MYLK2: variants seen among roughly 807,000 people sequenced by gnomAD.
MYLK2 encodes myosin light chain kinase 2, also known as myosin light chain kinase 2, skeletal/cardiac muscle.
In MYLK2, 27 loss-of-function variants were observed where a neutral mutation model predicts 58.2. That is an observed-to-expected ratio of 0.46 (90% CI 0.34 to 0.64). The LOEUF (loss-of-function observed/expected upper bound fraction) is 0.64, where lower values mean the gene tolerates loss of function less well. MYLK2 is among the 30% of genes least tolerant of loss of function. MYLK2 has a pLI of 0.01. For synonymous variants in MYLK2, 310 were observed against 296.7 expected, an observed-to-expected ratio of 1.04 and a Z score of -0.46; for missense variants, 676 against 764.3, an observed-to-expected ratio of 0.88 and a Z score of 1.36.
intron 5 of MYLK2, chr20:31,823,992 G>A (rs570027391): frequency 1.4e-5 from 14 of 984,632 alleles, no homozygotes; most frequent in Non-Finnish European, 1.7e-5. Context: ...TCTAAGGGTC[G>A]CATCCCAGGG....
chr20:31,821,435 C>A lies in MYLK2; in HGVS notation c.474-4C>A, dbSNP rs886056577. ...GGCTTCACCTCTGTGTTCTCACCTTCTAGTTCTGAGAAGCTGCTGGCCAAG... is the reference window on the plus strand; with the variant it reads ...GGCTTCACCTCTGTGTTCTCACCTTATAGTTCTGAGAAGCTGCTGGCCAAG... On this transcript the variant is annotated splice_region_variant and splice_polypyrimidine_tract_variant and intron_variant, in intron 3 of 12. Transcript: ENST00000375985. The A allele has an allele frequency of 3.7e-6, 6 of 1,613,212 alleles. No individual in the cohort carries two copies. Among genetic ancestry groups the A allele is most frequent in the Non-Finnish European group, 5.1e-6 (6 of 1,180,028 alleles).
Position 31,820,401 on chromosome 20 carries a change from A to G in MYLK2, c.328A>G (p.Lys110Glu). 1 of 1,612,818 alleles carries G rather than the reference A, an allele frequency of 6.2e-7. No homozygotes were observed. Among genetic ancestry groups the G allele is most frequent in the Non-Finnish European group, 8.5e-7 (1 of 1,179,782 alleles). Residue 110 changes from lysine (K) to glutamate (E), a missense_variant, in exon 3 of 13, where the codon AAG becomes GAG. Lys to Glu is a moderately conservative substitution (Grantham distance 56). Transcript: ENST00000375985. Reference sequence around the variant, plus strand: ...TGCGACACCTGAGACCAGCGTCAAGAAGCCCAAGGCTGAGCAGGGAGCCTC... The same window carrying G: ...TGCGACACCTGAGACCAGCGTCAAGGAGCCCAAGGCTGAGCAGGGAGCCTC... ...QTATPETSVK[K>E]PKAEQGASGS...
intron 6 of MYLK2, chr20:31,824,599 T>G (rs917267723): frequency 1.4e-5 from 13 of 962,682 alleles, no homozygotes; most frequent in Non-Finnish European, 1.6e-5. Context: ...GCATGGGATA[T>G]TCATGCCCTC....
intron 4 of MYLK2, among the ~76,000 whole-genome samples, chr20:31,822,929 C>CGCCTGCCG (rs1183972514): frequency 6.6e-6 from 1 of 152,220 alleles, no homozygotes; most frequent in Admixed American, 6.5e-5. Flanking sequence ...TCCTGATGAC[C>CGCCTGCCG]GCCTGCCGGC....
chr20:31,823,439 C>T (rs376771069), intron 4 of MYLK2, 38 bp from the exon 5 acceptor site: 3 of 1,583,942 alleles, frequency 1.9e-6, no homozygotes, highest in Non-Finnish European at 2.6e-6. Context: ...CTCAGCAGCC[C>T]CTGGCACTGA....
intron 8 of MYLK2, chr20:31,827,292 T>A (rs865878610): frequency 2.0e-5 from 20 of 985,380 alleles, no homozygotes; most frequent in Non-Finnish European, 2.4e-5. Context: ...TGCCTCAGCC[T>A]TGGCCCATGA....
intron 8 of MYLK2, chr20:31,827,662 A>G (rs10211752): frequency 0.33 from 154,754 of 468,232 alleles, 30,319 homozygotes; most frequent in African/African-American, 0.72. Context: ...GGGATTACAG[A>G]CACCTGCCAC....
chr20:31,825,296 G>T (rs547031507), intron 6 of MYLK2, among the ~76,000 whole-genome samples: 9 of 152,278 alleles, frequency 5.9e-5, no homozygotes, highest in Admixed American at 3.3e-4. Flanking sequence ...CCGTGTTATT[G>T]TCTCCTAGGT....
rs781322060 is a variant in MYLK2 at position 31,820,341 on chromosome 20, A to G, written c.268A>G (p.Ser90Gly). 1.9e-6 allele frequency: 3 copies of G among 1,612,828 alleles called. No homozygotes were observed. Among genetic ancestry groups the G allele is most frequent in the Non-Finnish European group, 2.5e-6 (3 of 1,179,856 alleles). ...CAGGGGCGGGGGGCCCGCGGAGGGC[A>G]GTGCTGGGCCCCCGGCAGCCCTGCC... ...GDRGGGPAEG[S>G]AGPPAALPQQ... The change falls in exon 3 of 13, where the codon AGT becomes GGT. Residue 90 changes from serine (S) to glycine (G), a missense_variant. Physicochemically the swap from Ser to Gly is moderately conservative, Grantham distance 56 (BLOSUM62 0). Transcript: ENST00000375985.
chr20:31,821,504 C>T lies in MYLK2; in HGVS notation c.539C>T (p.Pro180Leu). The T allele has an allele frequency of 6.2e-7, 1 of 1,614,000 alleles. No individual in the cohort carries two copies. The highest frequency in any genetic ancestry group is 8.5e-7 in the Non-Finnish European group (1 of 1,180,046). ...TCAGAGCTCACCTTTGAAGGGGTGC[C>T]CATGACCCACAGCCCCACGGATCCC... ...EASELTFEGV[P>L]MTHSPTDPRP... Residue 180 changes from proline (P) to leucine (L), a missense_variant, in exon 4 of 13, where the codon CCC becomes CTC. This residue lies in a region of MYLK2 where 306 missense variants were observed against 296.5 expected (regional missense o/e 1.03). Coordinates refer to ENST00000375985, the MANE Select transcript of MYLK2 (RefSeq NM_033118.4).
At chr20:31,822,379 G>A (rs1001452588) in intron 4 of MYLK2, among the ~76,000 whole-genome samples, 3 of 152,134 alleles carry the variant, frequency 2.0e-5, no homozygotes, top group African/African-American at 4.8e-5. Context: ...GGGTGGGGTC[G>A]TGGGAGCTAT....
chr20:31,827,319 C>T (rs566498677), intron 8 of MYLK2: 7 of 985,262 alleles, frequency 7.1e-6, no homozygotes, highest in Non-Finnish European at 7.2e-6. Context: ...CTAGGAGTGT[C>T]TGATCATTTA....
At chr20:31,828,782 G>A (rs527362930) in intron 8 of MYLK2, 4 of 948,050 alleles carry the variant, frequency 4.2e-6, no homozygotes, top group Non-Finnish European at 5.0e-6. Context: ...TGGGTTAGGT[G>A]TGTTAATATC....
chr20:31,828,332 G>A, intron 8 of MYLK2: 3 of 985,424 alleles, frequency 3.0e-6, no homozygotes, highest in Non-Finnish European at 3.6e-6. Context: ...AATGCTGTGC[G>A]TTAAGTGGCG....
At chr20:31,830,004 A>G (rs2062297807) in intron 8 of MYLK2, among the ~76,000 whole-genome samples, 1 of 152,176 alleles carries the variant, frequency 6.6e-6, no homozygotes, top group African/African-American at 2.4e-5. Flanking sequence ...CTGTAGTGTT[A>G]TATTCACCCC....
chr20:31,823,944 G>A (rs968829830), intron 5 of MYLK2: 19 of 985,216 alleles, frequency 1.9e-5, no homozygotes, highest in Non-Finnish European at 1.9e-5. Context: ...GCCTGAAGGT[G>A]CCCTCCCCCA....
chr20:31,829,093 G>A (rs947364130), intron 8 of MYLK2, among the ~76,000 whole-genome samples: 7 of 152,192 alleles, frequency 4.6e-5, no homozygotes, highest in African/African-American at 1.7e-4. Flanking sequence ...GCTGGGGGCA[G>A]TTGGTGCCTG....
chr20:31,826,051 T>C (rs1039940652), intron 6 of MYLK2, among the ~76,000 whole-genome samples: 1 of 152,102 alleles, frequency 6.6e-6, no homozygotes, highest in Non-Finnish European at 1.5e-5. Flanking sequence ...TTAGGATGGC[T>C]CGTAACTTTT....
At chr20:31,833,560 T>C (rs779587684) in intron 12 of MYLK2, among the ~76,000 whole-genome samples, 157 bp from the exon 13 acceptor site, 2 of 152,046 alleles carry the variant, frequency 1.3e-5, no homozygotes, top group Non-Finnish European at 2.9e-5. Flanking sequence ...TCCTGGACAA[T>C]ACAGTGTCAT....
Sources: gnomAD v4.1 joint callset for allele counts (sites outside exome capture counted in the v4.1 genomes callset) on GRCh38, gnomAD v4.1.1 for gene constraint, gnomAD v4.1.1 regional missense constraint, MANE v1.5 for transcripts, NCBI Gene and HGNC (gene_info 2026-07-23, HGNC 2026-07-21) for gene names.